Variants in SH3RF3 observed in about 807,000 individuals in gnomAD.
The protein encoded by SH3RF3 is SH3 domain containing ring finger 3.
SH3RF3 carries 29 observed loss-of-function variants against 66.3 expected under a neutral mutation model. That is an observed-to-expected ratio of 0.44 (90% CI 0.33 to 0.60). SH3RF3 has a LOEUF of 0.60. Among genes scored for constraint, SH3RF3 ranks in the 20% least tolerant of loss-of-function variants. The probability of loss-of-function intolerance (pLI) is 0.04; values close to 1 mark genes in which losing one functional copy is unlikely to be tolerated. For synonymous variants in SH3RF3, 583 were observed against 532.0 expected (o/e 1.10, Z -1.32); for missense variants, 1,194 against 1,190.9 (o/e 1.00, Z -0.04).
intron 1 of SH3RF3, among the ~76,000 whole-genome samples, chr2:109,329,962 C>T (rs1465423276): frequency 6.6e-6 from 1 of 152,216 alleles, no homozygotes; most frequent in Non-Finnish European, 1.5e-5. Flanking sequence ...TCTTGGACCC[C>T]TAGTCATGGT....
chr2:109,350,266 T>C (rs1378160354), intron 2 of SH3RF3, among the ~76,000 whole-genome samples: 1 of 152,156 alleles, frequency 6.6e-6, no homozygotes, highest in Non-Finnish European at 1.5e-5. Context: ...GAAGGTGACC[T>C]CTTGGTTGAA....
chr2:109,197,270 G>A (rs1678528706), intron 1 of SH3RF3, among the ~76,000 whole-genome samples: 1 of 152,128 alleles, frequency 6.6e-6, no homozygotes, highest in Non-Finnish European at 1.5e-5. Flanking sequence ...TGGTCGTTAG[G>A]GATGCTGGGA....
intron 1 of SH3RF3, among the ~76,000 whole-genome samples, chr2:109,324,840 C>G (rs907994483): frequency 6.6e-6 from 1 of 152,196 alleles, no homozygotes; most frequent in South Asian, 2.1e-4. Flanking sequence ...CGTCCCTCTC[C>G]TTGAGGTGTG....
chr2:109,130,164 TG>T, intron 1 of SH3RF3, 51 bp downstream of exon 1: 1 of 1,253,258 alleles, frequency 8.0e-7, no homozygotes, highest in South Asian at 3.1e-5. Context: ...AGTGTGTGGG[TG>T]GGTGCTTGGG....
At chr2:109,449,526 G>T in intron 8 of SH3RF3, 37 bp downstream of exon 8, 13 of 1,598,916 alleles carry the variant, frequency 8.1e-6, no homozygotes, top group Non-Finnish European at 1.1e-5. Context: ...TGGGCTCGAG[G>T]CCAGCTGCTT....
At chr2:109,281,782 C>T (rs746724732) in intron 1 of SH3RF3, among the ~76,000 whole-genome samples, 3 of 152,124 alleles carry the variant, frequency 2.0e-5, no homozygotes, top group Non-Finnish European at 4.4e-5. Flanking sequence ...CACAGAGGTT[C>T]TGTGCCAATG....
chr2:109,412,702 T>C (rs368794751), intron 4 of SH3RF3, among the ~76,000 whole-genome samples: 5 of 152,384 alleles, frequency 3.3e-5, no homozygotes, highest in East Asian at 1.9e-4. Context: ...TCTGTTATTC[T>C]TCTCATACCA....
chr2:109,420,462 T>C (rs55818317), intron 5 of SH3RF3, among the ~76,000 whole-genome samples: 59,596 of 152,002 alleles, frequency 0.39, 12,607 homozygotes, highest in East Asian at 0.48. Context: ...GTTTTGTTTT[T>C]TGAGATGGAG....
In SH3RF3 at chr2:109,152,439, C is replaced by T. The variant is rs191151275; in HGVS notation, c.573+22326C>T. On this transcript the variant is annotated intron_variant, in intron 1 of 9. Transcript: ENST00000309415. Reference sequence around the variant, plus strand: ...CTGGGCTCCGATCTCAAGTTGAGAACGAGAGCATAATAGCCTTGTTCCGGG... The same window carrying T: ...CTGGGCTCCGATCTCAAGTTGAGAATGAGAGCATAATAGCCTTGTTCCGGG... 8.6e-4 allele frequency among the ~76,000 whole-genome samples: 131 copies of T among 152,288 alleles called. 2 individuals carry two copies. The highest frequency in any genetic ancestry group is 4.4e-4 in the Non-Finnish European group (30 of 68,034).
intron 4 of SH3RF3, among the ~76,000 whole-genome samples, chr2:109,406,413 T>C (rs892827977): frequency 7.9e-5 from 12 of 152,086 alleles, no homozygotes; most frequent in African/African-American, 2.7e-4. Context: ...GGTCCATCAC[T>C]GAGAGCAGCT....
At chr2:109,274,540 C>T (rs777076673) in intron 1 of SH3RF3, among the ~76,000 whole-genome samples, 1 of 152,196 alleles carries the variant, frequency 6.6e-6, no homozygotes, top group Non-Finnish European at 1.5e-5. Flanking sequence ...CAAAAGGTCA[C>T]ATATTGTATG....
chr2:109,170,543 A>T (rs1312312046), intron 1 of SH3RF3, among the ~76,000 whole-genome samples: 1 of 151,828 alleles, frequency 6.6e-6, no homozygotes, highest in Non-Finnish European at 1.5e-5. Flanking sequence ...ATGGGGTTTC[A>T]CTATGTTGGC....
At chr2:109,213,578 G>A (rs2105117274) in intron 1 of SH3RF3, among the ~76,000 whole-genome samples, 1 of 152,302 alleles carries the variant, frequency 6.6e-6, no homozygotes, top group African/African-American at 2.4e-5. Flanking sequence ...GGAAGATGGG[G>A]GCATTGGGTG....
chr2:109,278,824 G>T (rs143649316), intron 1 of SH3RF3, among the ~76,000 whole-genome samples: 88 of 152,288 alleles, frequency 5.8e-4, no homozygotes, highest in South Asian at 1.7e-3. Context: ...ATCGGCCAAG[G>T]CAAATCGTGG....
At chr2:109,193,381 G>A (rs1029426806) in intron 1 of SH3RF3, among the ~76,000 whole-genome samples, 1 of 152,192 alleles carries the variant, frequency 6.6e-6, no homozygotes, top group African/African-American at 2.4e-5. Flanking sequence ...TGTAGCCATC[G>A]CCACAGTCAA....
chr2:109,307,552 T>G (rs1681627142), intron 1 of SH3RF3, among the ~76,000 whole-genome samples: 1 of 142,940 alleles, frequency 7.0e-6, no homozygotes, highest in East Asian at 2.1e-4. Context: ...TAGGTATATC[T>G]CCCAATGCTA....
chr2:109,327,029 C>T lies in SH3RF3; in HGVS notation c.574-20645C>T, dbSNP rs966038977. On this transcript the variant is annotated intron_variant, in intron 1 of 9. Coordinates refer to ENST00000309415, the MANE Select transcript of SH3RF3 (RefSeq NM_001099289.3). ...CTGTTTATGGATTGTCTTTTTCCTT[C>T]GTATTTAATGTCTTTTGATAAATGG... 3.9e-5 allele frequency among the ~76,000 whole-genome samples: 6 copies of T among 152,112 alleles called. No homozygotes were observed. In the South Asian group the frequency reaches 6.2e-4, roughly 16 times the overall value.
chr2:109,437,199 G>A lies in SH3RF3; in HGVS notation c.1828+53G>A, dbSNP rs1049715138. 2.6e-6 allele frequency: 4 copies of A among 1,547,452 alleles called. No homozygotes were observed. In the African/African-American group the frequency reaches 4.1e-5, roughly 16 times the overall value. On this transcript the variant is annotated intron_variant, in intron 7 of 9. Coordinates refer to ENST00000309415, the MANE Select transcript of SH3RF3 (RefSeq NM_001099289.3). ...GGGCATCAACAAGGGGGCTTCCTGG[G>A]ACATGCTTGTGAGACACATCTTGGC... is the stretch of plus-strand genomic sequence containing the variant.
intron 7 of SH3RF3, among the ~76,000 whole-genome samples, chr2:109,438,444 T>C (rs1367237562): frequency 6.6e-6 from 1 of 152,180 alleles, no homozygotes; most frequent in Non-Finnish European, 1.5e-5. Flanking sequence ...TGTCAAGCAG[T>C]GGGTAATTTA....
Sources: allele counts gnomAD v4.1 joint callset (sites outside exome capture counted in the v4.1 genomes callset), GRCh38; gene constraint gnomAD v4.1.1; transcripts MANE v1.5; gene names NCBI Gene and HGNC (gene_info 2026-07-23, HGNC 2026-07-21).